The following TTC6 variants were observed in gnomAD, a reference collection of about 807,000 sequenced individuals.
TTC6 encodes tetratricopeptide repeat domain 6, also known as tetratricopeptide repeat protein 6.
TTC6 carries 172 observed loss-of-function variants against 210.4 expected under a neutral mutation model. The ratio of observed to expected loss-of-function variants is 0.82; its 90% confidence interval spans 0.72 to 0.93. The LOEUF (loss-of-function observed/expected upper bound fraction) is 0.93. TTC6 is among the 40% of genes least tolerant of loss of function. The pLI, the probability that TTC6 is intolerant of heterozygous loss-of-function variation, is 0.00. For missense variants in TTC6, 2,414 were observed against 2,318.1 expected, an observed-to-expected ratio of 1.04 and a Z score of -0.85; for synonymous variants, 804 against 819.6, an observed-to-expected ratio of 0.98 and a Z score of 0.32.
intron 5 of TTC6, among the ~76,000 whole-genome samples, chr14:37,706,699 C>T (rs1423190352): frequency 2.4e-4 from 37 of 152,020 alleles, no homozygotes; most frequent in Admixed American, 2.4e-3. Context: ...ATTTTTTCTG[C>T]GTGTGTGGGA....
At chr14:37,837,006 T>C (rs1014447068) in intron 29 of TTC6, among the ~76,000 whole-genome samples, 3 of 152,204 alleles carry the variant, frequency 2.0e-5, no homozygotes, top group African/African-American at 7.2e-5. Context: ...TGCTTTTTAA[T>C]TAATTACAAC....
exon 1 of TTC6, chr14:37,622,727 G>T (rs899478439): frequency 1.1e-5 from 17 of 1,534,916 alleles, no homozygotes; most frequent in Non-Finnish European, 1.5e-5. Flanking sequence ...GCAGCGGGCG[G>T]AGGAAAGTGA....
intron 1 of TTC6, among the ~76,000 whole-genome samples, chr14:37,668,390 G>A (rs1332058113): frequency 6.6e-6 from 1 of 150,428 alleles, no homozygotes; most frequent in Non-Finnish European, 1.5e-5. Flanking sequence ...TCTAGGCTGG[G>A]TTCTATTCTG....
intron 30 of TTC6, among the ~76,000 whole-genome samples, 155 bp from the exon 33 acceptor site, chr14:37,842,000 G>C (rs2096211211): frequency 6.6e-6 from 1 of 152,042 alleles, no homozygotes; most frequent in East Asian, 1.9e-4. Context: ...AGTTCTGTTT[G>C]AAGAAAAGTG....
chr14:37,806,710 T>C (rs1337488186), intron 22 of TTC6, among the ~76,000 whole-genome samples, 200 bp downstream of exon 24: 1 of 152,250 alleles, frequency 6.6e-6, no homozygotes, highest in Non-Finnish European at 1.5e-5. Flanking sequence ...TTCTGATATA[T>C]ATAAACGTAT....
intron 1 of TTC6, among the ~76,000 whole-genome samples, chr14:37,627,524 A>G (rs752663105): frequency 2.1e-4 from 32 of 149,932 alleles, no homozygotes; most frequent in Non-Finnish European, 3.4e-4. Flanking sequence ...TCATTGTTCA[A>G]CTCCCACTTA....
chr14:37,606,738 G>A lies in TTC6; in HGVS notation c.-159G>A, dbSNP rs955848653. On this transcript the variant is annotated 5_prime_UTR_variant, in exon 2 of 3. In the 5' UTR this introduces an upstream ATG that the reference lacks. Coordinates refer to the TTC6 transcript ENST00000556845. ...AGGAGAGGAACAAGGATTCATGGAA[G>A]TGAGGTATGATGTCTTCAGTTCTTT... 5 of 985,280 alleles carry A rather than the reference G, an allele frequency of 5.1e-6. No individual in the cohort carries two copies. Among genetic ancestry groups the A allele is most frequent in the Non-Finnish European group, 6.0e-6 (5 of 829,916 alleles). 61.0% of individuals were successfully genotyped at this position (985,280 alleles called of 1,614,324 possible).
chr14:37,763,479 C>T (rs754187184), intron 14 of TTC6, among the ~76,000 whole-genome samples: 8 of 152,086 alleles, frequency 5.3e-5, no homozygotes, highest in African/African-American at 9.7e-5. Flanking sequence ...TCAATTTCTT[C>T]GCTTGATATG....
At chr14:37,676,569 AAATCC>A (rs1373525553) in intron 1 of TTC6, among the ~76,000 whole-genome samples, 1 of 152,028 alleles carries the variant, frequency 6.6e-6, no homozygotes, top group Non-Finnish European at 1.5e-5. Flanking sequence ...AAATTTGGTA[AAATCC>A]AATTTGTCTA....
intron 17 of TTC6, among the ~76,000 whole-genome samples, chr14:37,793,017 C>T (rs1033282166): frequency 3.3e-5 from 5 of 152,172 alleles, no homozygotes; most frequent in African/African-American, 9.7e-5. Context: ...ATCTGATTTT[C>T]AGAGATAACG....
intron 26 of TTC6, among the ~76,000 whole-genome samples, chr14:37,820,941 T>TCTTCTCCTCCTC (rs1230596902): frequency 1.6e-4 from 22 of 138,736 alleles, no homozygotes; most frequent in Non-Finnish European, 2.4e-4. Flanking sequence ...TCCTCCTCCT[T>TCTTCTCCTCCTC]CTTCTCCTCC....
intron 29 of TTC6, among the ~76,000 whole-genome samples, chr14:37,830,679 T>G (rs1045132840): frequency 6.6e-6 from 1 of 151,946 alleles, no homozygotes; most frequent in Non-Finnish European, 1.5e-5. Flanking sequence ...ACCTCTTTTC[T>G]GGGTTCCTGT....
At chr14:37,790,131 G>A (rs545454739) in intron 15 of TTC6, among the ~76,000 whole-genome samples, 5 of 152,122 alleles carry the variant, frequency 3.3e-5, no homozygotes, top group Non-Finnish European at 7.4e-5. Context: ...CTCGCATCTC[G>A]GATAGCTGTC....
At position 37,826,153 on chromosome 14, in the gene TTC6, A is replaced by G. The variant is rs751656397; in HGVS notation, c.4975-42A>G. 1.2e-5 allele frequency: 18 copies of G among 1,561,232 alleles called. No individual in the cohort carries two copies. In the East Asian group the frequency reaches 4.1e-4, roughly 35 times the overall value. ...CAGAATCATAAACGTTTGTCATGTT[A>G]TGGAGTATTTCCTACTTCGTGTAAT... On this transcript the variant is annotated intron_variant, in intron 27 of 30. Coordinates refer to ENST00000553443, the Ensembl canonical transcript of TTC6.
At chr14:37,770,893 T>C (rs947183421) in intron 14 of TTC6, among the ~76,000 whole-genome samples, 1 of 149,760 alleles carries the variant, frequency 6.7e-6, no homozygotes, top group Admixed American at 6.7e-5. Context: ...AGTTTCTTCC[T>C]AGTCTCGATG....
rs568874093 is a variant in TTC6, at chr14:37,747,164, T to A, written c.2364-1775T>A. ...CATTCCCTGCTAACACTGGTGATAT[T>A]TGACAAATTTTTATACCACCACATG... On this transcript the variant is annotated intron_variant, in intron 10 of 30. Coordinates refer to ENST00000553443, the Ensembl canonical transcript of TTC6. Among the ~76,000 whole-genome samples, 4 of 152,294 alleles carry A rather than the reference T, an allele frequency of 2.6e-5. No homozygotes were observed. The South Asian group carries it at 8.3e-4, about 32-fold the overall frequency.
At chr14:37,677,202 C>T (rs987162504) in intron 1 of TTC6, among the ~76,000 whole-genome samples, 1 of 151,772 alleles carries the variant, frequency 6.6e-6, no homozygotes, top group African/African-American at 2.4e-5. Flanking sequence ...ACATAAGATG[C>T]CTTTCCTTTC....
chr14:37,841,095 C>T (rs577579659), intron 29 of TTC6, among the ~76,000 whole-genome samples: 2 of 152,170 alleles, frequency 1.3e-5, no homozygotes, highest in Non-Finnish European at 2.9e-5. Flanking sequence ...TCTCGAACTC[C>T]TGACCTCAGG....
rs544878406 is a variant in TTC6 at position 37,683,487 on chromosome 14, C to T, written c.1257+523C>T. On this transcript the variant is annotated intron_variant, in intron 3 of 30. Transcript: ENST00000553443. ...TCCTCTTATCCTTGGCTTTACTTTC[C>T]GAGGCTTTGGTTAGTTGTGGTCAAC... Among the ~76,000 whole-genome samples, 9 of 151,984 alleles carry T rather than the reference C, an allele frequency of 5.9e-5. No homozygotes were observed. In the East Asian group the frequency reaches 7.7e-4, roughly 13 times the overall value.
Sources: gnomAD v4.1 joint callset for allele counts (sites outside exome capture counted in the v4.1 genomes callset) on GRCh38, gnomAD v4.1.1 for gene constraint, MANE v1.5 for transcripts, NCBI Gene and HGNC (gene_info 2026-07-23, HGNC 2026-07-21) for gene names.